Variants in FAF1 observed in about 807,000 individuals in gnomAD.
FAF1 encodes FAS-associated factor 1.
Under a neutral mutation model 92.5 loss-of-function variants are expected in FAF1, and 25 were observed. The observed-to-expected ratio is 0.27, with a 90% CI of 0.20 to 0.38. The LOEUF (loss-of-function observed/expected upper bound fraction) is 0.38, where lower values mean the gene tolerates loss of function less well. Among genes scored for constraint, FAF1 ranks in the 10% least tolerant of loss-of-function variants. The pLI is 1.00. For missense variants in FAF1, 636 were observed against 793.3 expected, an observed-to-expected ratio of 0.80 and a Z score of 2.38; for synonymous variants, 234 against 273.2, an observed-to-expected ratio of 0.86 and a Z score of 1.42.
intron 9 of FAF1, among the ~76,000 whole-genome samples, chr1:50,593,614 A>C (rs1260657961): frequency 6.6e-6 from 1 of 152,210 alleles, no homozygotes; most frequent in Non-Finnish European, 1.5e-5. Flanking sequence ...TTTAAAAAAA[A>C]ATGGTTTGGT....
intron 2 of FAF1, among the ~76,000 whole-genome samples, chr1:50,826,482 A>G (rs921339425): frequency 6.6e-6 from 1 of 151,926 alleles, no homozygotes; most frequent in Non-Finnish European, 1.5e-5. Context: ...CCTGGGAGGC[A>G]GAGATTGCAG....
At position 50,583,152 on chromosome 1, in the gene FAF1, CATTA is replaced by C. The variant is rs1014310844; in HGVS notation, c.1032-457_1032-454del. Among the ~76,000 whole-genome samples, 18 of 151,794 alleles carry C rather than the reference CATTA, an allele frequency of 1.2e-4. No individual in the cohort carries two copies. Among genetic ancestry groups the C allele is most frequent in the African/African-American group, 4.3e-4 (18 of 41,510 alleles). On this transcript the variant is annotated intron_variant, in intron 11 of 18. Transcript: ENST00000396153. This position sits in a 1 kb window ranked among gnomAD's most constrained non-coding sequence, Gnocchi z 4.2. ...CATTTACACCAAATTGAGGATTAAACATTAATTCTCTTTATATTTGAATACCTCA... is the reference window on the plus strand; with the variant it reads ...CATTTACACCAAATTGAGGATTAAACATTCTCTTTATATTTGAATACCTCA...
chr1:50,767,376 C>T (rs1660614358), intron 4 of FAF1, among the ~76,000 whole-genome samples: 1 of 152,166 alleles, frequency 6.6e-6, no homozygotes, highest in South Asian at 2.1e-4. Context: ...AAGCAAGCAA[C>T]GTGGAAAACA....
chr1:50,655,869 C>T (rs1352821619), intron 7 of FAF1, among the ~76,000 whole-genome samples: 1 of 151,858 alleles, frequency 6.6e-6, no homozygotes, highest in Admixed American at 6.6e-5. Flanking sequence ...TTTATTTAAT[C>T]GTAAAAATGC....
In FAF1 at chr1:50,733,448, GT is replaced by G. The variant is rs1659012051; in HGVS notation, c.551+5414del. Among the ~76,000 whole-genome samples, 7 of 152,208 alleles carry G rather than the reference GT, an allele frequency of 4.6e-5. 1 individual carries two copies. In the South Asian group the frequency reaches 1.2e-3, roughly 27 times the overall value. ...ATCTCTCTGCTATGAACTGAATTGT[GT>G]CCCCCTAGAATTTATATGTTGACTC... On this transcript the variant is annotated intron_variant, in intron 6 of 18. Transcript: ENST00000396153.
intron 2 of FAF1, among the ~76,000 whole-genome samples, chr1:50,820,029 G>A (rs893729020): frequency 1.3e-5 from 2 of 151,468 alleles, no homozygotes; most frequent in African/African-American, 4.9e-5. Flanking sequence ...GTTTGTACGT[G>A]CACGGCATCC....
intron 8 of FAF1, among the ~76,000 whole-genome samples, chr1:50,632,648 G>A (rs1653844046): frequency 6.6e-6 from 1 of 152,102 alleles, no homozygotes; most frequent in African/African-American, 2.4e-5. Flanking sequence ...TTGGGGTAGT[G>A]TCTCCGATTC....
chr1:50,514,536 C>G (rs1647183993), intron 15 of FAF1, among the ~76,000 whole-genome samples: 1 of 152,126 alleles, frequency 6.6e-6, no homozygotes, highest in Non-Finnish European at 1.5e-5. Context: ...CAGTAATCAA[C>G]AGTTTTAAAC....
At chr1:50,597,054 G>A (rs971966693) in intron 8 of FAF1, among the ~76,000 whole-genome samples, 1 of 152,154 alleles carries the variant, frequency 6.6e-6, no homozygotes, top group Admixed American at 6.5e-5. Flanking sequence ...CACCTAGATA[G>A]GGATAGTATT....
chr1:50,950,422 G>C (rs1248628000), intron 1 of FAF1, among the ~76,000 whole-genome samples: 2 of 152,168 alleles, frequency 1.3e-5, no homozygotes, highest in Non-Finnish European at 2.9e-5. Flanking sequence ...TGCCCAGACA[G>C]TAAATATTTT....
intron 15 of FAF1, among the ~76,000 whole-genome samples, chr1:50,522,819 A>T (rs1456163603): frequency 1.3e-5 from 2 of 152,224 alleles, no homozygotes; most frequent in East Asian, 1.9e-4. Context: ...GGCATTAAGT[A>T]CAATCATAAT....
At position 50,744,772 on chromosome 1, in the gene FAF1, T is replaced by C. The variant is rs759579270; in HGVS notation, c.371A>G (p.Glu124Gly). 7.0e-6 allele frequency: 11 copies of C among 1,570,140 alleles called. No homozygotes were observed. The highest frequency in any genetic ancestry group is 9.6e-6 in the Non-Finnish European group (11 of 1,149,076). The change falls in exon 5 of 19, where the codon GAG becomes GGG. Residue 124 changes from glutamate to glycine, a missense_variant. By Grantham distance (98) the Glu-to-Gly change is moderately conservative. Coordinates refer to ENST00000396153, the MANE Select transcript of FAF1 (RefSeq NM_007051.3). ...VVLEDTCTVG[E>G]IKQILENELQ... ...TTCATTTTCTAGAATCTGTTTAATCTCTCCTGTATAAATAAGAAGAGATCA... is the reference window on the plus strand; with the variant it reads ...TTCATTTTCTAGAATCTGTTTAATCCCTCCTGTATAAATAAGAAGAGATCA...
intron 7 of FAF1, among the ~76,000 whole-genome samples, chr1:50,690,282 G>A (rs545504985): frequency 1.3e-4 from 19 of 151,892 alleles, no homozygotes; most frequent in Middle Eastern, 6.8e-3. Flanking sequence ...CACCGCACCC[G>A]GCAAATTACA....
chr1:50,773,125 A>G (rs1318682637), intron 4 of FAF1, among the ~76,000 whole-genome samples: 3 of 152,212 alleles, frequency 2.0e-5, no homozygotes, highest in Admixed American at 2.0e-4. Context: ...AAAAAGGATT[A>G]TAAATATGTG....
At chr1:50,464,042 G>A (rs1471952421) in intron 18 of FAF1, among the ~76,000 whole-genome samples, 1 of 152,198 alleles carries the variant, frequency 6.6e-6, no homozygotes, top group Admixed American at 6.5e-5. Flanking sequence ...CCCAGAGGTA[G>A]GTCTAGTTGG....
At chr1:50,825,589 A>G (rs551236201) in intron 2 of FAF1, among the ~76,000 whole-genome samples, 2 of 152,168 alleles carry the variant, frequency 1.3e-5, no homozygotes, top group African/African-American at 4.8e-5. Flanking sequence ...ATTTTAACGT[A>G]TATCTACCAG....
intron 5 of FAF1, among the ~76,000 whole-genome samples, chr1:50,744,135 A>T (rs930300687): frequency 2.6e-5 from 4 of 152,140 alleles, no homozygotes; most frequent in African/African-American, 7.2e-5. Context: ...AATAGCAACT[A>T]TTTCCTTAAA....
intron 7 of FAF1, among the ~76,000 whole-genome samples, chr1:50,657,807 C>T (rs1347859721): frequency 6.6e-6 from 1 of 152,176 alleles, no homozygotes; most frequent in Non-Finnish European, 1.5e-5. Flanking sequence ...CTATTTTTAT[C>T]TCTAATTCAC....
intron 14 of FAF1, among the ~76,000 whole-genome samples, chr1:50,536,548 T>C (rs1648492335): frequency 6.6e-6 from 1 of 152,166 alleles, no homozygotes; most frequent in Non-Finnish European, 1.5e-5. Context: ...TTATGACCAT[T>C]GGCAGCATGG....
Sources: gnomAD v4.1 joint callset for allele counts (sites outside exome capture counted in the v4.1 genomes callset) on GRCh38, gnomAD v4.1.1 for gene constraint, Gnocchi (gnomAD v3.1) non-coding constraint, MANE v1.5 for transcripts, NCBI Gene and HGNC (gene_info 2026-07-23, HGNC 2026-07-21) for gene names.